AXIN1: variants seen among roughly 807,000 people sequenced by gnomAD.
AXIN1 encodes the protein axin-1.
Under a neutral mutation model 76.4 loss-of-function variants are expected in AXIN1, and 30 were observed. The ratio of observed to expected loss-of-function variants is 0.39; its 90% CI spans 0.29 to 0.53. AXIN1 has a LOEUF of 0.53. AXIN1 is among the 20% of genes least tolerant of loss of function. The pLI is 0.66. For missense variants in AXIN1, 1,140 were observed against 1,198.8 expected, an observed-to-expected ratio of 0.95 and a Z score of 0.72; for synonymous variants, 545 against 501.4, an observed-to-expected ratio of 1.09 and a Z score of -1.16.
intron 2 of AXIN1, among the ~76,000 whole-genome samples, chr16:342,743 G>A (rs1009277494): frequency 1.3e-5 from 2 of 152,238 alleles, no homozygotes; most frequent in East Asian, 3.8e-4. Flanking sequence ...CTGTAAACAA[G>A]GGAGCCCAGA....
intron 5 of AXIN1, among the ~76,000 whole-genome samples, chr16:299,501 T>A (rs1031183979): frequency 6.7e-5 from 10 of 149,330 alleles, no homozygotes; most frequent in Admixed American, 1.3e-4. Flanking sequence ...TATAGGAGTG[T>A]GCCACCATGC....
intron 2 of AXIN1, among the ~76,000 whole-genome samples, chr16:339,674 T>C (rs2053876941): frequency 6.7e-6 from 1 of 150,338 alleles, no homozygotes; most frequent in Non-Finnish European, 1.5e-5. Context: ...AGAGCAAGAC[T>C]GTCTAAAAAA....
chr16:340,930 CTGGATGCCT>C (rs1567303463), intron 2 of AXIN1, among the ~76,000 whole-genome samples: 10 of 152,262 alleles, frequency 6.6e-5, no homozygotes, highest in Non-Finnish European at 1.3e-4. Flanking sequence ...CACAGGGGAA[CTGGATGCCT>C]GTGGCCGTGC....
chr16:302,643 G>C lies in AXIN1; in HGVS notation c.1254+1661C>G, dbSNP rs540828326. On this transcript the variant is annotated intron_variant, in intron 5 of 10. Coordinates refer to ENST00000262320, the MANE Select transcript of AXIN1 (RefSeq NM_003502.4). ...TCACGGTGGCATCTCCAGGCTTCAG[G>C]GCACAGCTCACCCGGGTAGCGGGTG... Among the ~76,000 whole-genome samples, 17 of 152,278 alleles carry C rather than the reference G, an allele frequency of 1.1e-4. No homozygotes were observed. In the South Asian group the frequency reaches 1.2e-3, roughly 11 times the overall value.
intron 7 of AXIN1, among the ~76,000 whole-genome samples, chr16:295,733 A>G (rs1465900684): frequency 1.3e-5 from 2 of 152,138 alleles, no homozygotes. Flanking sequence ...AGGCCGAGGC[A>G]GGCGGATCAC....
At chr16:290,962 T>G in intron 9 of AXIN1, 4 of 588,080 alleles carry the variant, frequency 6.8e-6, no homozygotes, top group East Asian at 2.9e-5. Flanking sequence ...AGCCGGGCCT[T>G]TTGGTCACTT....
At chr16:318,447 A>G (rs926923082) in intron 2 of AXIN1, among the ~76,000 whole-genome samples, 7 of 152,168 alleles carry the variant, frequency 4.6e-5, no homozygotes, top group Non-Finnish European at 7.3e-5. Flanking sequence ...CTTCGTAACA[A>G]TCCCAGACAA....
At chr16:288,313 C>G (rs755757978) in intron 10 of AXIN1, 65 bp from the exon 11 acceptor site, 2 of 1,600,662 alleles carry the variant, frequency 1.2e-6, no homozygotes, top group East Asian at 4.5e-5. Flanking sequence ...AGGCCTGTGG[C>G]AGGGGACGGC....
intron 1 of AXIN1, among the ~76,000 whole-genome samples, chr16:351,263 G>A (rs1275973667): frequency 6.6e-6 from 1 of 152,072 alleles, no homozygotes. Context: ...GCAGAGAACA[G>A]AAGTGTGAGC....
rs150087853 is a variant in AXIN1, at chr16:346,972, T to C, written c.54A>G (p.Glu18=). The change falls in exon 2 of 11, where the codon GAA becomes GAG. Residue 18 remains glutamate, a synonymous_variant. Coordinates refer to ENST00000262320, the MANE Select transcript of AXIN1 (RefSeq NM_003502.4). The part of the protein sequence containing the change: ...FPLDLGASFT[E]DAPRPPVPGE... Reference sequence around the variant, plus strand: ...CAGGCACTGGGGGTCGGGGAGCATCTTCGGTGAAACTTGCTCCGAGGTCCA... The same window carrying C: ...CAGGCACTGGGGGTCGGGGAGCATCCTCGGTGAAACTTGCTCCGAGGTCCA... The C allele has an allele frequency of 4.3e-6, 7 of 1,614,242 alleles. No individual in the cohort carries two copies. The East Asian group carries it at 8.9e-5, about 21-fold the overall frequency.
chr16:307,112 G>C (rs1193289693), intron 4 of AXIN1, among the ~76,000 whole-genome samples: 1 of 152,238 alleles, frequency 6.6e-6, no homozygotes, highest in Non-Finnish European at 1.5e-5. Flanking sequence ...TGTGTCTGCA[G>C]ACAGCCAGAG....
At chr16:299,902 A>G (rs1597004134) in intron 5 of AXIN1, among the ~76,000 whole-genome samples, 2 of 138,986 alleles carry the variant, frequency 1.4e-5, no homozygotes, top group African/African-American at 2.7e-5. Flanking sequence ...TGATCTGCCC[A>G]CCTCGGCCTC....
At chr16:320,736 TATATATA>T (rs1266927226) in intron 2 of AXIN1, among the ~76,000 whole-genome samples, 5 of 87,964 alleles carry the variant, frequency 5.7e-5, no homozygotes, top group Non-Finnish European at 1.1e-4. Context: ...TATATATATA[TATATATA>T]TTTTTTTTTT....
At chr16:331,150 C>T (rs189090177) in intron 2 of AXIN1, among the ~76,000 whole-genome samples, 1 of 152,182 alleles carries the variant, frequency 6.6e-6, no homozygotes, top group African/African-American at 2.4e-5. Context: ...GCTGAAGCTA[C>T]AAGACGAAAA....
rs183109028 is a variant in AXIN1, at chr16:341,097, C to T, written c.878+5051G>A. 4.6e-3 allele frequency among the ~76,000 whole-genome samples: 702 copies of T among 152,390 alleles called. 8 individuals are homozygous for T. Among genetic ancestry groups the T allele is most frequent in the African/African-American group, 0.016 (659 of 41,598 alleles). On this transcript the variant is annotated intron_variant, in intron 2 of 10. Coordinates refer to ENST00000262320, the MANE Select transcript of AXIN1 (RefSeq NM_003502.4). ...ATTCCACCCCGGTGAGAGGTGACAG[C>T]GTGCTGGCAGTCCTCACAGCCCTCG...
rs2052414542 is a variant in AXIN1, at chr16:287,568, T to C, written c.*554A>G. On this transcript the variant is annotated 3_prime_UTR_variant, in exon 11 of 11. Coordinates refer to ENST00000262320, the MANE Select transcript of AXIN1 (RefSeq NM_003502.4). Reference sequence around the variant, plus strand: ...GCTGGCCTAGCCTGAGAAATGTACATATTTACACGGGCCCTCAGAAAGGAG... The same window carrying C: ...GCTGGCCTAGCCTGAGAAATGTACACATTTACACGGGCCCTCAGAAAGGAG... The C allele has an allele frequency of 3.2e-6, 1 of 310,598 alleles. No individual in the cohort carries two copies. The highest frequency in any genetic ancestry group is 6.0e-6 in the Non-Finnish European group (1 of 166,528). 19.2% of individuals were successfully genotyped at this position (310,598 alleles called of 1,614,324 possible). A position where few individuals can be genotyped will look rare whatever the true frequency, so the allele number is the denominator to read the frequency against.
At chr16:320,216 T>G (rs2053408348) in intron 2 of AXIN1, among the ~76,000 whole-genome samples, 1 of 152,200 alleles carries the variant, frequency 6.6e-6, no homozygotes, top group Admixed American at 6.5e-5. Flanking sequence ...CTGGCTACTT[T>G]TTCATTTTTT....
chr16:352,455 G>T lies in AXIN1; in HGVS notation c.-168C>A. On this transcript the variant is annotated 5_prime_UTR_variant, in exon 1 of 11. Transcript: ENST00000262320. ...CCCATGCGCTCAGCGGCAGCGCGGC[G>T]GGCGGGACCCGGCGGGGGCGCGGCC... 1 of 973,318 alleles carries T rather than the reference G, an allele frequency of 1.0e-6. No individual in the cohort carries two copies. Among genetic ancestry groups the T allele is most frequent in the Non-Finnish European group, 1.2e-6 (1 of 821,942 alleles). 60.3% of individuals were successfully genotyped at this position (973,318 alleles called of 1,614,324 possible). A position where few individuals can be genotyped will look rare whatever the true frequency, so the allele number is the denominator to read the frequency against.
chr16:351,750 AT>A (rs769115082), intron 1 of AXIN1, among the ~76,000 whole-genome samples: 1 of 87,380 alleles, frequency 1.1e-5, no homozygotes, highest in African/African-American at 4.2e-5. Flanking sequence ...TACAAAAAAT[AT>A]ATATATATAT....
Sources: gnomAD v4.1 joint callset for allele counts (sites outside exome capture counted in the v4.1 genomes callset) on GRCh38, gnomAD v4.1.1 for gene constraint, MANE v1.5 for transcripts, NCBI Gene and HGNC (gene_info 2026-07-23, HGNC 2026-07-21) for gene names.